Variants in PCDHA7 observed in about 807,000 individuals in gnomAD.
PCDHA7 encodes the protein protocadherin alpha-7.
Under a neutral mutation model 57.2 loss-of-function variants are expected in PCDHA7, and 37 were observed. The ratio of observed to expected loss-of-function variants is 0.65; its 90% CI spans 0.50 to 0.85. PCDHA7 has a LOEUF of 0.85. Ranked by LOEUF, PCDHA7 falls within the 40% of genes least tolerant of loss-of-function variation. The probability of loss-of-function intolerance (pLI) is 0.00; values close to 1 mark genes in which losing one functional copy is unlikely to be tolerated. For missense variants in PCDHA7, 1,188 were observed against 1,241.8 expected (o/e 0.96, Z 0.65); for synonymous variants, 553 against 558.8 (o/e 0.99, Z 0.15).
At chr5:140,988,959 C>G (rs1308701267) in intron 3 of PCDHA7, 3 of 152,056 alleles carry the variant, frequency 2.0e-5, no homozygotes, top group Non-Finnish European at 4.4e-5. Context: ...CCTTCAAGCC[C>G]CACGATGGAG....
At chr5:140,900,130 C>T (rs1156261230) in intron 1 of PCDHA7, among the ~76,000 whole-genome samples, 1 of 152,084 alleles carries the variant, frequency 6.6e-6, no homozygotes, top group East Asian at 1.9e-4. Flanking sequence ...TTTTAGGTAC[C>T]ACAAATAAGT....
At chr5:140,907,197 A>G (rs2073229380) in intron 1 of PCDHA7, among the ~76,000 whole-genome samples, 1 of 152,166 alleles carries the variant, frequency 6.6e-6, no homozygotes, top group Non-Finnish European at 1.5e-5. Context: ...AACCTTCTGG[A>G]GAATTTTGCC....
intron 1 of PCDHA7, among the ~76,000 whole-genome samples, chr5:140,959,390 A>G (rs1554224055): frequency 6.6e-6 from 1 of 152,146 alleles, no homozygotes; most frequent in African/African-American, 2.4e-5. Context: ...AAAAGTCACA[A>G]ATTAAGATAA....
At chr5:140,952,621 T>C (rs1002649302) in intron 1 of PCDHA7, among the ~76,000 whole-genome samples, 3 of 152,168 alleles carry the variant, frequency 2.0e-5, no homozygotes, top group Admixed American at 2.0e-4. Context: ...TCATCTTCCC[T>C]CCACACTATT....
At chr5:140,886,257 T>C (rs1391638514) in intron 1 of PCDHA7, among the ~76,000 whole-genome samples, 38 of 152,026 alleles carry the variant, frequency 2.5e-4, no homozygotes, top group Admixed American at 2.5e-3. Context: ...AGTATCTCTA[T>C]TTATAGATAA....
chr5:140,890,069 A>C (rs1554184149), intron 1 of PCDHA7, among the ~76,000 whole-genome samples: 1 of 152,204 alleles, frequency 6.6e-6, no homozygotes, highest in Non-Finnish European at 1.5e-5. Flanking sequence ...TTACTGGCTT[A>C]TGAGAACTGA....
intron 1 of PCDHA7, among the ~76,000 whole-genome samples, chr5:140,921,987 G>T (rs1414139435): frequency 6.6e-6 from 1 of 151,868 alleles, no homozygotes; most frequent in Non-Finnish European, 1.5e-5. Context: ...AACTAAAAAA[G>T]AGTTCAATGA....
Position 140,842,608 on chromosome 5 carries a change from C to CG in PCDHA7, c.2355+5875dup, listed in dbSNP as rs1340734954. 5 of 1,557,100 alleles carry CG rather than the reference C, an allele frequency of 3.2e-6. 2 individuals carry two copies. In the African/African-American group the frequency reaches 7.2e-5, roughly 22 times the overall value. The stretch of plus-strand genomic sequence containing the variant: ...ATGAGTTGGTGGTAACCGCGCGGGA[C>CG]GGGGGCTCGCCTTCGCTGTGGGCCA... On this transcript the variant is annotated intron_variant, in intron 1 of 3. Coordinates refer to ENST00000525929, the MANE Select transcript of PCDHA7 (RefSeq NM_018910.3).
chr5:140,856,471 A>T, intron 1 of PCDHA7: 3 of 1,597,970 alleles, frequency 1.9e-6, no homozygotes, highest in Non-Finnish European at 2.6e-6. Context: ...AGCTCTCAAT[A>T]CCTGAATCCA....
chr5:140,926,170 C>G (rs558750358), intron 1 of PCDHA7, among the ~76,000 whole-genome samples: 1 of 151,736 alleles, frequency 6.6e-6, no homozygotes. Flanking sequence ...CAGGATCCAG[C>G]GCGGAAAGCC....
At chr5:140,922,661 T>C (rs1255153267) in intron 1 of PCDHA7, among the ~76,000 whole-genome samples, 2 of 152,156 alleles carry the variant, frequency 1.3e-5, no homozygotes, top group African/African-American at 4.8e-5. Context: ...ATGGCTATAC[T>C]GCAAGCAGTA....
In PCDHA7 at chr5:140,853,855, T is replaced by C. The variant is rs1179807632; in HGVS notation, c.2355+17117T>C. On this transcript the variant is annotated intron_variant, in intron 1 of 3. Transcript: ENST00000525929. The stretch of plus-strand genomic sequence containing the variant: ...GAAATTTTAGATCCATAGCCCTATT[T>C]GATACTTGACAGTGCAAGTTTCTGT... 3.0e-6 allele frequency: 3 copies of C among 985,756 alleles called. No homozygotes were observed. In the African/African-American group the frequency reaches 5.3e-5, roughly 17 times the overall value. 61.1% of individuals were successfully genotyped at this position (985,756 alleles called of 1,614,324 possible). A position where few individuals can be genotyped will look rare whatever the true frequency, so the allele number is the denominator to read the frequency against.
chr5:140,985,739 CTTTTTTT>C (rs11372071), intron 3 of PCDHA7, among the ~76,000 whole-genome samples: 2 of 117,922 alleles, frequency 1.7e-5, no homozygotes, highest in African/African-American at 6.4e-5. Flanking sequence ...TGATGAATTC[CTTTTTTT>C]TTTTTTTTTT....
chr5:140,884,247 CG>C (rs1220799816), intron 1 of PCDHA7: 1 of 1,613,280 alleles, frequency 6.2e-7, no homozygotes, highest in Non-Finnish European at 8.5e-7. Flanking sequence ...CCCGCGCTGA[CG>C]GCCACGGCAA....
rs1350835757 is a variant in PCDHA7, at chr5:141,010,856, A to G, written c.*919A>G. Reference sequence around the variant, plus strand: ...CATAGATTTATTTAAAAAAAGAGAAAGTCTATAGCTATAAATCTTTAAAGA... The same window carrying G: ...CATAGATTTATTTAAAAAAAGAGAAGGTCTATAGCTATAAATCTTTAAAGA... On this transcript the variant is annotated 3_prime_UTR_variant, in exon 4 of 4. Coordinates refer to ENST00000525929, the MANE Select transcript of PCDHA7 (RefSeq NM_018910.3). The G allele has an allele frequency of 1.3e-5, 2 of 153,800 alleles. No homozygotes were observed. Among genetic ancestry groups the G allele is most frequent in the African/African-American group, 2.4e-5 (1 of 41,464 alleles). The allele number at this position is 153,800 out of a possible 1,614,324, so 9.5% of individuals were successfully genotyped here. A position where few individuals can be genotyped will look rare whatever the true frequency, so the allele number is the denominator to read the frequency against.
intron 1 of PCDHA7, among the ~76,000 whole-genome samples, chr5:140,918,436 A>T (rs2078697265): frequency 6.6e-6 from 1 of 152,092 alleles, no homozygotes; most frequent in Admixed American, 6.6e-5. Context: ...GTTGAATAGG[A>T]GTGGTGACAG....
chr5:140,990,332 T>C (rs1458187543), intron 3 of PCDHA7, among the ~76,000 whole-genome samples: 1 of 152,100 alleles, frequency 6.6e-6, no homozygotes, highest in Non-Finnish European at 1.5e-5. Flanking sequence ...ACTTTAAAAA[T>C]AAGTAAAGCC....
At chr5:140,969,045 CCAA>C in intron 1 of PCDHA7, 4 of 1,614,090 alleles carry the variant, frequency 2.5e-6, no homozygotes, top group Non-Finnish European at 3.4e-6. Flanking sequence ...TACAAACAAG[CCAA>C]CAACAATATT....
chr5:140,957,614 T>C (rs1208546101), intron 1 of PCDHA7, among the ~76,000 whole-genome samples: 6 of 152,134 alleles, frequency 3.9e-5, no homozygotes, highest in African/African-American at 1.4e-4. Flanking sequence ...CACAGACATA[T>C]ACATGCACAC....
Sources: allele counts gnomAD v4.1 joint callset (sites outside exome capture counted in the v4.1 genomes callset), GRCh38; gene constraint gnomAD v4.1.1; transcripts MANE v1.5; gene names NCBI Gene and HGNC (gene_info 2026-07-23, HGNC 2026-07-21).